Variants in ASTN1 observed in about 807,000 individuals in gnomAD.
ASTN1 encodes the protein astrotactin-1.
A neutral mutation model predicts 140.7 loss-of-function variants in ASTN1; 41 were observed. The ratio of observed to expected loss-of-function variants is 0.29; its 90% CI spans 0.23 to 0.38. The LOEUF (loss-of-function observed/expected upper bound fraction) is 0.38. Among genes scored for constraint, ASTN1 ranks in the 10% least tolerant of loss-of-function variants. The pLI, the probability that ASTN1 is intolerant of heterozygous loss-of-function variation, is 1.00. For synonymous variants in ASTN1, 640 were observed against 652.2 expected, an observed-to-expected ratio of 0.98 and a Z score of 0.29; for missense variants, 1,479 against 1,678.8, an observed-to-expected ratio of 0.88 and a Z score of 2.08.
intron 1 of ASTN1, among the ~76,000 whole-genome samples, chr1:177,064,598 C>T (rs1678259985): frequency 6.6e-6 from 1 of 152,190 alleles, no homozygotes; most frequent in African/African-American, 2.4e-5. Context: ...GGCTTCCAGG[C>T]CAACCCTCAG....
intron 2 of ASTN1, among the ~76,000 whole-genome samples, chr1:177,036,021 G>A (rs111287653): frequency 4.7e-5 from 7 of 150,098 alleles, no homozygotes; most frequent in African/African-American, 1.7e-4. Flanking sequence ...CTCTGGATGG[G>A]ATGACCTCAG....
At chr1:176,864,562 A>T in intron 22 of ASTN1, 41 bp from the exon 23 acceptor site, 8 of 1,604,708 alleles carry the variant, frequency 5.0e-6, no homozygotes, top group Non-Finnish European at 6.0e-6. Flanking sequence ...TAGAAAGAAG[A>T]GAGGGTCTGG....
chr1:176,952,474 C>T (rs1672233987), intron 11 of ASTN1, among the ~76,000 whole-genome samples: 1 of 151,678 alleles, frequency 6.6e-6, no homozygotes, highest in Admixed American at 6.6e-5. Flanking sequence ...CAGAGTAAAA[C>T]ATTTTAGAAA....
At position 177,124,167 on chromosome 1, in the gene ASTN1, T is replaced by C. The variant is rs227512; in HGVS notation, c.283+40227A>G. Among the ~76,000 whole-genome samples, 1,246 of 152,270 alleles carry C rather than the reference T, an allele frequency of 8.2e-3. 27 individuals carry two copies. The highest frequency in any genetic ancestry group is 0.029 in the African/African-American group (1,188 of 41,556). On this transcript the variant is annotated intron_variant, in intron 1 of 22. Transcript: ENST00000361833. ...GCTCAGCATCTTTTCCCCACTAGGA[T>C]GAGTACATCAGCTTCAAGCAGGTAG...
At chr1:177,142,672 C>G (rs1682525933) in intron 1 of ASTN1, among the ~76,000 whole-genome samples, 1 of 152,144 alleles carries the variant, frequency 6.6e-6, no homozygotes, top group Non-Finnish European at 1.5e-5. Context: ...ACTGAGTCTA[C>G]TTTCACTAAG....
intron 5 of ASTN1, among the ~76,000 whole-genome samples, chr1:177,027,913 A>G (rs1328948420): frequency 2.6e-5 from 4 of 152,074 alleles, no homozygotes; most frequent in Non-Finnish European, 4.4e-5. Context: ...TCACTGGGCC[A>G]TATTTTCATG....
At chr1:176,967,204 T>C (rs1672927141) in intron 8 of ASTN1, among the ~76,000 whole-genome samples, 1 of 152,196 alleles carries the variant, frequency 6.6e-6, no homozygotes, top group African/African-American at 2.4e-5. Flanking sequence ...CCAAACAATG[T>C]ACTGTGAATA....
chr1:177,085,836 G>A (rs559919397), intron 1 of ASTN1, among the ~76,000 whole-genome samples: 1 of 152,228 alleles, frequency 6.6e-6, no homozygotes. Flanking sequence ...CTTTCTTGGA[G>A]GCTCCTAGGT....
Position 176,882,929 on chromosome 1 carries a change from G to C in ASTN1, c.3292C>G (p.Gln1098Glu). Residue 1098 changes from glutamine (Q) to glutamate (E), a missense_variant, in exon 20 of 23, where the codon CAG becomes GAG. Transcript: ENST00000361833. ...GTGGTGAGCTGCTTGTCCGGCACCT[G>C]AGATGGCATTGCACAAGGAGACTTT... Reference protein sequence around the residue: ...GAKSPCAMPSQVPDKQLTTIS... With the variant: ...GAKSPCAMPSEVPDKQLTTIS... 6.2e-7 allele frequency: 1 copy of C among 1,614,160 alleles called. No individual in the cohort carries two copies. Among genetic ancestry groups the C allele is most frequent in the Non-Finnish European group, 8.5e-7 (1 of 1,180,028 alleles).
intron 16 of ASTN1, among the ~76,000 whole-genome samples, chr1:176,911,543 T>C (rs924424274): frequency 6.6e-6 from 1 of 152,182 alleles, no homozygotes; most frequent in African/African-American, 2.4e-5. Context: ...TTTATTTTTT[T>C]ATTTTTTTTA....
At chr1:177,033,489 C>A (rs1434533077) in intron 2 of ASTN1, among the ~76,000 whole-genome samples, 2 of 152,182 alleles carry the variant, frequency 1.3e-5, no homozygotes, top group South Asian at 2.1e-4. Context: ...CTCAGCATAA[C>A]CTTAAATGTC....
At position 177,092,174 on chromosome 1, in the gene ASTN1, C is replaced by G. The variant is rs566265815; in HGVS notation, c.284-30909G>C. 5.9e-5 allele frequency among the ~76,000 whole-genome samples: 9 copies of G among 152,162 alleles called. No homozygotes were observed. The South Asian group carries it at 1.9e-3, about 32-fold the overall frequency. On this transcript the variant is annotated intron_variant, in intron 1 of 22. Transcript: ENST00000361833. Reference sequence around the variant, plus strand: ...CCTCCACCACATTTATTATTGTTCCCATTTTTGACTGCACTCACCCTAGAG... The same window carrying G: ...CCTCCACCACATTTATTATTGTTCCGATTTTTGACTGCACTCACCCTAGAG...
chr1:176,963,067 GA>G (rs1221273675), intron 9 of ASTN1, among the ~76,000 whole-genome samples: 8 of 152,140 alleles, frequency 5.3e-5, no homozygotes, highest in African/African-American at 1.9e-4. Flanking sequence ...CAGAGTGGGA[GA>G]TATTCAATTT....
chr1:177,048,477 T>A (rs772315534), intron 2 of ASTN1, among the ~76,000 whole-genome samples: 3 of 152,110 alleles, frequency 2.0e-5, no homozygotes, highest in Admixed American at 6.5e-5. Context: ...ACTGAAACAA[T>A]CACTTCCATA....
At position 177,029,626 on chromosome 1, in the gene ASTN1, AT is replaced by A. The variant is rs2101970225; in HGVS notation, c.1120+7del. On this transcript the variant is annotated splice_region_variant and intron_variant, in intron 5 of 22. Coordinates refer to ENST00000361833, the MANE Select transcript of ASTN1 (RefSeq NM_004319.3). ...TTTACCACCTTCTGCCACCTCTATC[AT>A]TCCTACCTCTACTACGCCTCCTGCT... The A allele has an allele frequency of 1.9e-6, 3 of 1,612,566 alleles. No individual in the cohort carries two copies. Among genetic ancestry groups the A allele is most frequent in the East Asian group, 2.2e-5 (1 of 44,852 alleles).
chr1:176,980,224 G>A (rs1367086546), intron 8 of ASTN1, among the ~76,000 whole-genome samples: 1 of 152,136 alleles, frequency 6.6e-6, no homozygotes, highest in Non-Finnish European at 1.5e-5. Flanking sequence ...AAAGGAGTGA[G>A]AGGGGGTGAA....
intron 4 of ASTN1, among the ~76,000 whole-genome samples, 168 bp from the exon 5 acceptor site, chr1:177,029,909 G>A (rs1431361381): frequency 6.6e-6 from 1 of 152,196 alleles, no homozygotes; most frequent in Non-Finnish European, 1.5e-5. Context: ...GGATATGTTG[G>A]AGAAGTAGAC....
chr1:177,125,392 A>C (rs905190553), intron 1 of ASTN1, among the ~76,000 whole-genome samples: 5 of 152,212 alleles, frequency 3.3e-5, no homozygotes, highest in African/African-American at 1.2e-4. Flanking sequence ...TGCCCATTTA[A>C]TCCCTCACTG....
intron 1 of ASTN1, among the ~76,000 whole-genome samples, chr1:177,151,723 C>A (rs1683045043): frequency 1.3e-5 from 2 of 152,168 alleles, no homozygotes; most frequent in Non-Finnish European, 2.9e-5. Flanking sequence ...CTCTATGCCA[C>A]TTACAAGACC....
Sources: gnomAD v4.1 joint callset for allele counts (sites outside exome capture counted in the v4.1 genomes callset) on GRCh38, gnomAD v4.1.1 for gene constraint, MANE v1.5 for transcripts, NCBI Gene and HGNC (gene_info 2026-07-23, HGNC 2026-07-21) for gene names.